The following GLIS3 variants were observed in gnomAD, a reference collection of about 807,000 sequenced individuals.
The protein encoded by GLIS3 is GLIS family zinc finger 3, also known as zinc finger protein GLIS3.
In GLIS3, 53 loss-of-function variants were observed where a neutral mutation model predicts 78.6. That is an observed-to-expected ratio of 0.67 (90% CI 0.54 to 0.85). The LOEUF (loss-of-function observed/expected upper bound fraction) is 0.85, where lower values mean the gene tolerates loss of function less well. Ranked by LOEUF, GLIS3 falls within the 40% of genes least tolerant of loss-of-function variation. GLIS3 has a pLI of 0.00. For missense variants in GLIS3, 1,703 were observed against 1,231.1 expected (o/e 1.38, Z -5.74); for synonymous variants, 684 against 509.9 (o/e 1.34, Z -4.60).
At chr9:3,925,689 C>A (rs965846150) in intron 6 of GLIS3, among the ~76,000 whole-genome samples, 1 of 152,052 alleles carries the variant, frequency 6.6e-6, no homozygotes, top group Non-Finnish European at 1.5e-5. Flanking sequence ...ATCCAGCCAC[C>A]CTCAACCTTG....
At chr9:4,388,297 T>G in the GLIS3 span, among the ~76,000 whole-genome samples, 2 of 152,116 alleles carry the variant, frequency 1.3e-5, no homozygotes, top group African/African-American at 4.8e-5. Context: ...ATCTGTGAAC[T>G]CGGGAAAAGC....
At chr9:3,971,700 C>T (rs1042073327) in intron 4 of GLIS3, among the ~76,000 whole-genome samples, 7 of 152,134 alleles carry the variant, frequency 4.6e-5, no homozygotes, top group Admixed American at 1.3e-4. Flanking sequence ...TGCTCTATTT[C>T]GTGCATTTAC....
chr9:4,384,664 C>G, the GLIS3 span, among the ~76,000 whole-genome samples: 213 of 152,100 alleles, frequency 1.4e-3, no homozygotes, highest in African/African-American at 4.7e-3. Context: ...TAACCTAAAT[C>G]ATGGTCTCCC....
At chr9:4,405,534 C>G in the GLIS3 span, among the ~76,000 whole-genome samples, 1 of 151,922 alleles carries the variant, frequency 6.6e-6, no homozygotes, top group Non-Finnish European at 1.5e-5. Context: ...AGGAAGAAAT[C>G]CAAAACCTGA....
intron 4 of GLIS3, among the ~76,000 whole-genome samples, chr9:4,015,278 TAA>T (rs1822343917): frequency 6.6e-6 from 1 of 152,156 alleles, no homozygotes; most frequent in Admixed American, 6.5e-5. Context: ...ATTGCCCAGG[TAA>T]AGAGTCTAAC....
At chr9:4,472,124 T>G in the GLIS3 span, among the ~76,000 whole-genome samples, 1 of 152,280 alleles carries the variant, frequency 6.6e-6, no homozygotes, top group Middle Eastern at 3.4e-3. Flanking sequence ...CTGGAGAGGA[T>G]GTGGAGAAAT....
chr9:4,222,455 A>C (rs1193781922), intron 2 of GLIS3, among the ~76,000 whole-genome samples: 5 of 152,166 alleles, frequency 3.3e-5, no homozygotes, highest in Admixed American at 3.3e-4. Flanking sequence ...GGCCTACCCT[A>C]TCCCCCTGTG....
At chr9:4,256,536 G>C (rs939937852) in intron 2 of GLIS3, among the ~76,000 whole-genome samples, 25 of 152,150 alleles carry the variant, frequency 1.6e-4, no homozygotes, top group Non-Finnish European at 3.2e-4. Context: ...TTTGGAAATA[G>C]AAACTGGTAT....
intron 2 of GLIS3, among the ~76,000 whole-genome samples, chr9:4,258,302 C>A (rs1237013211): frequency 1.3e-5 from 2 of 150,990 alleles, no homozygotes; most frequent in South Asian, 2.1e-4. Context: ...TGAATAAAGT[C>A]TACAGTTTTA....
chr9:3,920,284 T>G (rs1462510458), intron 6 of GLIS3, among the ~76,000 whole-genome samples: 1 of 152,212 alleles, frequency 6.6e-6, no homozygotes, highest in East Asian at 1.9e-4. Context: ...ATTACAGGCA[T>G]GAGCCACTGT....
At chr9:3,850,966 G>T (rs563745275) in intron 9 of GLIS3, among the ~76,000 whole-genome samples, 1 of 152,258 alleles carries the variant, frequency 6.6e-6, no homozygotes, top group Admixed American at 6.5e-5. Flanking sequence ...AATAAATCAG[G>T]TGCCTTTTGC....
chr9:4,070,103 T>A (rs1288311928), intron 4 of GLIS3, among the ~76,000 whole-genome samples: 1 of 152,050 alleles, frequency 6.6e-6, no homozygotes, highest in East Asian at 1.9e-4. Context: ...TAAATATATA[T>A]AATATATGAC....
chr9:4,445,592 C>G, the GLIS3 span, among the ~76,000 whole-genome samples: 1 of 152,128 alleles, frequency 6.6e-6, no homozygotes, highest in Admixed American at 6.5e-5. Flanking sequence ...TATGATTGCA[C>G]CACTGCCCTC....
the GLIS3 span, among the ~76,000 whole-genome samples, chr9:4,470,602 C>T: frequency 6.6e-6 from 1 of 152,228 alleles, no homozygotes; most frequent in African/African-American, 2.4e-5. Context: ...TGGGACGTAT[C>T]TCAAAATAAT....
chr9:4,324,425 C>T (rs567878631), intron 2 of GLIS3, among the ~76,000 whole-genome samples: 1 of 152,260 alleles, frequency 6.6e-6, no homozygotes, highest in Admixed American at 6.5e-5. Flanking sequence ...AACATCTGCC[C>T]TAGACACCTC....
At chr9:3,962,951 G>A (rs575204595) in intron 4 of GLIS3, among the ~76,000 whole-genome samples, 5 of 150,848 alleles carry the variant, frequency 3.3e-5, no homozygotes, top group Non-Finnish European at 5.9e-5. Flanking sequence ...ATTTAAGGGG[G>A]GGGGGGGGAG....
At chr9:4,165,852 C>G (rs550748826) in intron 2 of GLIS3, among the ~76,000 whole-genome samples, 1 of 152,270 alleles carries the variant, frequency 6.6e-6, no homozygotes, top group South Asian at 2.1e-4. Context: ...GGATGAAGAA[C>G]AGGGACAAGG....
chr9:4,236,184 C>CAAAAA (rs59839951), intron 2 of GLIS3, among the ~76,000 whole-genome samples: 1,120 of 84,122 alleles, frequency 0.013, 35 homozygotes, highest in African/African-American at 0.024. Flanking sequence ...GTGGTTGTCA[C>CAAAAA]AAAAAAAAAA....
At chr9:4,422,605 C>G in the GLIS3 span, among the ~76,000 whole-genome samples, 1 of 152,196 alleles carries the variant, frequency 6.6e-6, no homozygotes, top group Non-Finnish European at 1.5e-5. Context: ...CCTATATGAG[C>G]ACTGGGGACA....
Sources: gnomAD v4.1 joint callset for allele counts (sites outside exome capture counted in the v4.1 genomes callset) on GRCh38, gnomAD v4.1.1 for gene constraint, MANE v1.5 for transcripts, NCBI Gene and HGNC (gene_info 2026-07-23, HGNC 2026-07-21) for gene names.